The following CREB3 variants were observed in gnomAD, a reference collection of about 807,000 sequenced individuals.
CREB3 encodes cAMP responsive element binding protein 3.
A neutral mutation model predicts 34.5 loss-of-function variants in CREB3; 29 were observed. The ratio of observed to expected loss-of-function variants is 0.84; its 90% CI spans 0.63 to 1.15. The LOEUF (loss-of-function observed/expected upper bound fraction) is 1.15, where lower values mean the gene tolerates loss of function less well. Ranked by LOEUF, CREB3 falls within the 50% of genes most tolerant of loss-of-function variation. The pLI, the probability that CREB3 is intolerant of heterozygous loss-of-function variation, is 0.00. For synonymous variants in CREB3, 187 were observed against 173.9 expected, an observed-to-expected ratio of 1.08 and a Z score of -0.59; for missense variants, 447 against 443.4, an observed-to-expected ratio of 1.01 and a Z score of -0.07.
rs753888823 is a variant in CREB3 at position 35,736,423 on chromosome 9, T to C, written c.813T>C (p.Ser271=). ...CCCGCCAGCTTCGTGCCCTCCCCAGTGAGGACCCTTACCAGCTGGAGCTGC... is the reference window on the plus strand; with the variant it reads ...CCCGCCAGCTTCGTGCCCTCCCCAGCGAGGACCCTTACCAGCTGGAGCTGC... ...VLSRQLRALP[S]EDPYQLELPA... Residue 271 remains serine, a synonymous_variant, in exon 9 of 9, where the codon AGT becomes AGC. Coordinates refer to ENST00000353704, the MANE Select transcript of CREB3 (RefSeq NM_006368.5). The C allele has an allele frequency of 2.5e-6, 4 of 1,613,954 alleles. No individual in the cohort carries two copies. Among genetic ancestry groups the C allele is most frequent in the East Asian group, 2.2e-5 (1 of 44,884 alleles).
chr9:35,735,185 A>C lies in CREB3; in HGVS notation c.512A>C (p.Lys171Thr). Residue 171 changes from lysine to threonine, a missense_variant, in exon 5 of 9, where the codon AAG becomes ACG. Physicochemically the swap from Lys to Thr is moderately conservative, Grantham distance 78. Transcript: ENST00000353704. ...TCTGCTCAAGAGAGCCGCAGGAAAA[A>C]GAAGGTGTATGTTGGGGGTTTAGAG... Reference protein sequence around the residue: ...KRSAQESRRKKKVYVGGLESR... With the variant: ...KRSAQESRRKTKVYVGGLESR... The C allele has an allele frequency of 6.2e-7, 1 of 1,603,692 alleles. No homozygotes were observed. Among genetic ancestry groups the C allele is most frequent in the East Asian group, 2.2e-5 (1 of 44,818 alleles).
In CREB3 at chr9:35,732,928, G is replaced by C; in HGVS notation, c.129+27G>C. On this transcript the variant is annotated intron_variant, in intron 1 of 8. Coordinates refer to ENST00000353704, the MANE Select transcript of CREB3 (RefSeq NM_006368.5). This position sits in a 1 kb window ranked among gnomAD's most constrained non-coding sequence, Gnocchi z 5.1. ...TAGGTTGGGGTTCTGACTGGGGAAA[G>C]CGTGGGATGTCCATGAAGTCAGGTG... 1.2e-6 allele frequency: 2 copies of C among 1,612,988 alleles called. No individual in the cohort carries two copies. Among genetic ancestry groups the C allele is most frequent in the Non-Finnish European group, 1.7e-6 (2 of 1,179,264 alleles).
At chr9:35,735,990 C>CTG (rs1427541224) in intron 6 of CREB3, 58 bp from the exon 7 acceptor site, 77 of 1,339,216 alleles carry the variant, frequency 5.7e-5, no homozygotes, top group Middle Eastern at 3.6e-4. Context: ...AGGAGTTTCA[C>CTG]TGTGTCTCAG....
chr9:35,736,740 T>TGGG lies in CREB3; in HGVS notation c.*18_*20dup. The TGGG allele has an allele frequency of 8.8e-6, 14 of 1,589,798 alleles. No individual in the cohort carries two copies. The highest frequency in any genetic ancestry group is 1.7e-5 in the Admixed American group (1 of 59,548). The stretch of plus-strand genomic sequence containing the variant: ...TACTCAGGCTAGATATGAGGATATG[T>TGGG]GGGGGGTCTCAGCAGGAGCCTGGGG... On this transcript the variant is annotated 3_prime_UTR_variant, in exon 9 of 9. Coordinates refer to ENST00000353704, the MANE Select transcript of CREB3 (RefSeq NM_006368.5).
Position 35,733,049 on chromosome 9 carries a change from A to G in CREB3, c.183A>G (p.Pro61=), listed in dbSNP as rs201018312. The change falls in exon 2 of 9, where the codon CCA becomes CCG. Residue 61 remains proline (P), a synonymous_variant. Transcript: ENST00000353704. ...TGCTGTGCTCCCTGCTGAGTCCCCC[A>G]GCGTCGTTGAACATTCTCAGCTCCT... is the stretch of plus-strand genomic sequence containing the variant. ...DDLLCSLLSP[P]ASLNILSSSN... 6.2e-7 allele frequency: 1 copy of G among 1,614,230 alleles called. No individual in the cohort carries two copies. The highest frequency in any genetic ancestry group is 2.2e-5 in the East Asian group (1 of 44,888).
chr9:35,736,975 G>T lies in CREB3; in HGVS notation c.*249G>T, dbSNP rs1826242650. ...TTCACGCAGTCAGGGAACAGGTGAG[G>T]AAAGAAATAAATAAGTGATTCTAAT... On this transcript the variant is annotated 3_prime_UTR_variant, in exon 9 of 9. Coordinates refer to ENST00000353704, the MANE Select transcript of CREB3 (RefSeq NM_006368.5). 3.3e-6 allele frequency: 3 copies of T among 901,812 alleles called. No homozygotes were observed. The highest frequency in any genetic ancestry group is 4.9e-6 in the Non-Finnish European group (3 of 611,020). 55.9% of individuals were successfully genotyped at this position (901,812 alleles called of 1,614,324 possible). A position where few individuals can be genotyped will look rare whatever the true frequency, so the allele number is the denominator to read the frequency against.
At chr9:35,735,871 T>C (rs1389941109) in intron 6 of CREB3, among the ~76,000 whole-genome samples, 177 bp from the exon 7 acceptor site, 1 of 152,210 alleles carries the variant, frequency 6.6e-6, no homozygotes, top group Non-Finnish European at 1.5e-5. Context: ...GTTGTTGTTT[T>C]AATGAGGAAC....
At position 35,733,211 on chromosome 9, in the gene CREB3, G is replaced by A; in HGVS notation, c.278-4G>A. The A allele has an allele frequency of 6.2e-7, 1 of 1,614,172 alleles. No individual in the cohort carries two copies. The highest frequency in any genetic ancestry group is 8.5e-7 in the Non-Finnish European group (1 of 1,180,032). ...CCTGGCTATTCATACTTTCCCTTTT[G>A]CAGAGAGTGAGAGCTGTAGAAAAGA... On this transcript the variant is annotated splice_region_variant and splice_polypyrimidine_tract_variant and intron_variant, in intron 2 of 8. Transcript: ENST00000353704.
At chr9:35,733,327 T>C in intron 3 of CREB3, 45 bp downstream of exon 3, 1 of 1,612,316 alleles carries the variant, frequency 6.2e-7, no homozygotes, top group Non-Finnish European at 8.5e-7. Flanking sequence ...ATTCCCCAGG[T>C]GGGGGCAGGA....
chr9:35,733,602 G>C lies in CREB3; in HGVS notation c.435+117G>C, dbSNP rs559564840. 43 of 707,732 alleles carry C rather than the reference G, an allele frequency of 6.1e-5. No homozygotes were observed. The African/African-American group carries it at 7.0e-4, about 11-fold the overall frequency. The allele number at this position is 707,732 out of a possible 1,614,324, so 43.8% of individuals were successfully genotyped here. ...AAGGATTGAGGTGAGAAACTTAGTAGATTTATTGCTAATAGGAAGTTGAGG... is the reference window on the plus strand; with the variant it reads ...AAGGATTGAGGTGAGAAACTTAGTACATTTATTGCTAATAGGAAGTTGAGG... On this transcript the variant is annotated intron_variant, in intron 4 of 8. Coordinates refer to ENST00000353704, the MANE Select transcript of CREB3 (RefSeq NM_006368.5).
rs768898931 is a variant in CREB3, at chr9:35,736,979, G to T, written c.*253G>T. On this transcript the variant is annotated 3_prime_UTR_variant, in exon 9 of 9. Coordinates refer to ENST00000353704, the MANE Select transcript of CREB3 (RefSeq NM_006368.5). Reference sequence around the variant, plus strand: ...CGCAGTCAGGGAACAGGTGAGGAAAGAAATAAATAAGTGATTCTAATGCTG... The same window carrying T: ...CGCAGTCAGGGAACAGGTGAGGAAATAAATAAATAAGTGATTCTAATGCTG... 2.2e-6 allele frequency: 2 copies of T among 925,382 alleles called. No individual in the cohort carries two copies. Among genetic ancestry groups the T allele is most frequent in the East Asian group, 2.6e-5 (1 of 37,922 alleles). The allele number at this position is 925,382 out of a possible 1,614,324, so 57.3% of individuals were successfully genotyped here. A position where few individuals can be genotyped will look rare whatever the true frequency, so the allele number is the denominator to read the frequency against.
At chr9:35,735,415 T>C in intron 6 of CREB3, 41 bp downstream of exon 6, 1 of 1,543,716 alleles carries the variant, frequency 6.5e-7, no homozygotes, top group Non-Finnish European at 9.0e-7. Flanking sequence ...ATGCCCCTCA[T>C]TTAATGCTTT....
In CREB3 at chr9:35,734,971, C is replaced by T. The variant is rs532309081; in HGVS notation, c.436-138C>T. ...TTAACACCTGGTCCGTGGAGGCATT[C>T]AGAAAGAATCTGAATGCCTGTTGGT... is the stretch of plus-strand genomic sequence containing the variant. On this transcript the variant is annotated intron_variant, in intron 4 of 8. Transcript: ENST00000353704. The T allele has an allele frequency of 3.3e-5, 23 of 691,074 alleles. No individual in the cohort carries two copies. In the South Asian group the frequency reaches 3.8e-4, roughly 11 times the overall value. The allele number at this position is 691,074 out of a possible 1,614,324, so 42.8% of individuals were successfully genotyped here. A position where few individuals can be genotyped will look rare whatever the true frequency, so the allele number is the denominator to read the frequency against.
Position 35,735,187 on chromosome 9 carries a change from A to G in CREB3, c.514A>G (p.Lys172Glu), listed in dbSNP as rs367884085. 130 of 1,603,826 alleles carry G rather than the reference A, an allele frequency of 8.1e-5. No homozygotes were observed. Among genetic ancestry groups the G allele is most frequent in the Admixed American group, 3.6e-5 (2 of 56,336 alleles). The change falls in exon 5 of 9, where the codon AAG (lysine) becomes GAG (glutamate). Residue 172 changes from lysine (K) to glutamate (E), a missense_variant. Transcript: ENST00000353704. ...RSAQESRRKK[K>E]VYVGGLESRV... Reference sequence around the variant, plus strand: ...TGCTCAAGAGAGCCGCAGGAAAAAGAAGGTGTATGTTGGGGGTTTAGAGAG... The same window carrying G: ...TGCTCAAGAGAGCCGCAGGAAAAAGGAGGTGTATGTTGGGGGTTTAGAGAG...
chr9:35,736,069 G>A lies in CREB3; in HGVS notation c.633G>A (p.Arg211=), dbSNP rs1370970744. 1 of 1,613,850 alleles carries A rather than the reference G, an allele frequency of 6.2e-7. No individual in the cohort carries two copies. Among genetic ancestry groups the A allele is most frequent in the East Asian group, 2.2e-5 (1 of 44,886 alleles). The change falls in exon 7 of 9, where the codon AGG becomes AGA. Residue 211 remains arginine (R), a synonymous_variant. Transcript: ENST00000353704. ...CTAGGTCCCTTCTAGATCAACTGAG[G>A]AAACTCCAGGCCATGGTGATTGAGA... The part of the protein sequence containing the change: ...EQNLSLLDQL[R]KLQAMVIEIS...
In CREB3 at chr9:35,736,615, G is replaced by T. The variant is rs756761109; in HGVS notation, c.1005G>T (p.Glu335Asp). ...GGCCATTCCCTGACCTCTTCTCAGAGCCTCTCTGCCGAGGTCCCATCCTCC... is the reference window on the plus strand; with the variant it reads ...GGCCATTCCCTGACCTCTTCTCAGATCCTCTCTGCCGAGGTCCCATCCTCC... ...LEWPFPDLFSEPLCRGPILPL... is the reference protein window; with the variant it reads ...LEWPFPDLFSDPLCRGPILPL... The change falls in exon 9 of 9, where the codon GAG becomes GAT. Residue 335 changes from glutamate (E) to aspartate (D), a missense_variant. Glu to Asp is a conservative substitution (Grantham distance 45). Coordinates refer to ENST00000353704, the MANE Select transcript of CREB3 (RefSeq NM_006368.5). 2 of 1,613,954 alleles carry T rather than the reference G, an allele frequency of 1.2e-6. No homozygotes were observed. The highest frequency in any genetic ancestry group is 1.1e-5 in the South Asian group (1 of 91,092).
At chr9:35,736,342 G>A (rs746185356) in intron 8 of CREB3, 31 bp downstream of exon 8, 1 of 1,613,690 alleles carries the variant, frequency 6.2e-7, no homozygotes, top group Non-Finnish European at 8.5e-7. Flanking sequence ...TCTCAGACAG[G>A]GCAAGGGGAG....
At position 35,736,730 on chromosome 9, in the gene CREB3, T is replaced by A. The variant is rs780903192; in HGVS notation, c.*4T>A. ...GCAGGACAGATACTCAGGCTAGATA[T>A]GAGGATATGTGGGGGGTCTCAGCAG... On this transcript the variant is annotated 3_prime_UTR_variant, in exon 9 of 9. Transcript: ENST00000353704. The A allele has an allele frequency of 1.4e-5, 23 of 1,596,850 alleles. 1 individual carries two copies. The highest frequency in any genetic ancestry group is 1.9e-5 in the Non-Finnish European group (22 of 1,174,354).
In CREB3 at chr9:35,732,733, G is replaced by A. The variant is rs760016144; in HGVS notation, c.-40G>A. On this transcript the variant is annotated 5_prime_UTR_variant, in exon 1 of 9. Transcript: ENST00000353704. The surrounding 1 kb of genome is among the most constrained non-coding windows in gnomAD (Gnocchi z 5.1). ...TGGGGCTCGTGTCTGGGCTTCGGAC[G>A]TTGGGGCCCGGTGGCCCACCCTTTC... The A allele has an allele frequency of 3.0e-5, 48 of 1,583,340 alleles. No individual in the cohort carries two copies. The highest frequency in any genetic ancestry group is 4.0e-5 in the Non-Finnish European group (47 of 1,164,452).
Sources: allele counts gnomAD v4.1 joint callset (sites outside exome capture counted in the v4.1 genomes callset), GRCh38; gene constraint gnomAD v4.1.1; non-coding constraint Gnocchi (gnomAD v3.1); transcripts MANE v1.5; gene names NCBI Gene and HGNC (gene_info 2026-07-23, HGNC 2026-07-21).